Variants in PARN observed in about 807,000 individuals in gnomAD.
PARN encodes poly(A)-specific ribonuclease, also known as poly(A)-specific ribonuclease PARN.
PARN carries 71 observed loss-of-function variants against 102.8 expected under a neutral mutation model. The ratio of observed to expected loss-of-function variants is 0.69; its 90% CI spans 0.57 to 0.84. The LOEUF is 0.84. Ranked by LOEUF, PARN falls within the 40% of genes least tolerant of loss-of-function variation. The pLI, the probability that PARN is intolerant of heterozygous loss-of-function variation, is 0.00. For synonymous variants in PARN, 261 were observed against 252.9 expected (o/e 1.03, Z -0.30); for missense variants, 782 against 760.9 (o/e 1.03, Z -0.33).
chr16:14,504,345 G>A (rs1020592991), intron 21 of PARN, among the ~76,000 whole-genome samples: 13 of 152,124 alleles, frequency 8.5e-5, no homozygotes, highest in African/African-American at 2.9e-4. Context: ...GAATCACGAG[G>A]TCAGGAGTTG....
chr16:14,505,985 G>T (rs1264783804), intron 21 of PARN, among the ~76,000 whole-genome samples: 3 of 152,150 alleles, frequency 2.0e-5, no homozygotes, highest in Non-Finnish European at 2.9e-5. Flanking sequence ...AAGCAGGAAG[G>T]CTACAATGGA....
Position 14,436,500 on chromosome 16 carries a change from G to A in PARN, c.*217C>T, listed in dbSNP as rs576499888. On this transcript the variant is annotated 3_prime_UTR_variant, in exon 24 of 24. Coordinates refer to ENST00000437198, the MANE Select transcript of PARN (RefSeq NM_002582.4). ...TACACATTCATGACAGCCTACAACCGTGATGAGTGTCAATGTCAACAGGCA... is the reference window on the plus strand; with the variant it reads ...TACACATTCATGACAGCCTACAACCATGATGAGTGTCAATGTCAACAGGCA... 11 of 594,278 alleles carry A rather than the reference G, an allele frequency of 1.9e-5. No individual in the cohort carries two copies. Among genetic ancestry groups the A allele is most frequent in the East Asian group, 1.7e-4 (6 of 35,942 alleles). 36.8% of individuals were successfully genotyped at this position (594,278 alleles called of 1,614,324 possible). A position where few individuals can be genotyped will look rare whatever the true frequency, so the allele number is the denominator to read the frequency against.
At chr16:14,447,115 G>A in intron 22 of PARN, 34 bp from the exon 23 acceptor site, 2 of 1,485,080 alleles carry the variant, frequency 1.3e-6, no homozygotes, top group Non-Finnish European at 1.9e-6. Flanking sequence ...CATAAAAGGT[G>A]CTGAGAGTTA....
chr16:14,477,573 C>G (rs567848525), intron 22 of PARN, among the ~76,000 whole-genome samples: 5 of 151,566 alleles, frequency 3.3e-5, no homozygotes, highest in African/African-American at 1.2e-4. Flanking sequence ...GTCAGGAGTT[C>G]GAGACCATCC....
intron 18 of PARN, among the ~76,000 whole-genome samples, chr16:14,579,827 T>C (rs1042789148): frequency 2.0e-5 from 3 of 151,894 alleles, no homozygotes. Flanking sequence ...AATATAAAGA[T>C]TAGCCAGGTG....
At chr16:14,540,274 C>T (rs575022966) in intron 21 of PARN, among the ~76,000 whole-genome samples, 1 of 152,210 alleles carries the variant, frequency 6.6e-6, no homozygotes, top group African/African-American at 2.4e-5. Context: ...ACGAATTCTA[C>T]ATACAGTTTA....
intron 6 of PARN, among the ~76,000 whole-genome samples, chr16:14,611,896 G>C (rs1971539374): frequency 6.6e-6 from 1 of 152,066 alleles, no homozygotes; most frequent in Non-Finnish European, 1.5e-5. Context: ...GTGGGCAATG[G>C]GGGTCTCTGT....
chr16:14,584,493 C>G, intron 15 of PARN, 71 bp from the exon 16 acceptor site: 7 of 1,133,876 alleles, frequency 6.2e-6, no homozygotes, highest in African/African-American at 1.8e-5. Context: ...GATTCACTGA[C>G]CCCCCCAAAA....
intron 18 of PARN, among the ~76,000 whole-genome samples, chr16:14,569,867 T>C (rs1436566434): frequency 2.6e-5 from 4 of 152,142 alleles, no homozygotes; most frequent in African/African-American, 9.7e-5. Flanking sequence ...TGTATAATAT[T>C]GTGAATGTAA....
chr16:14,460,059 T>C (rs1961879860), intron 22 of PARN, among the ~76,000 whole-genome samples: 1 of 152,204 alleles, frequency 6.6e-6, no homozygotes, highest in Non-Finnish European at 1.5e-5. Context: ...AAAATCTCTG[T>C]GACCTTATCT....
intron 21 of PARN, among the ~76,000 whole-genome samples, chr16:14,523,404 C>T (rs1481902852): frequency 6.6e-6 from 1 of 152,182 alleles, no homozygotes; most frequent in Non-Finnish European, 1.5e-5. Flanking sequence ...AAACGTGGCA[C>T]ATTTACAAAA....
At chr16:14,616,058 C>G (rs1316761706) in intron 6 of PARN, among the ~76,000 whole-genome samples, 1 of 152,064 alleles carries the variant, frequency 6.6e-6, no homozygotes, top group Non-Finnish European at 1.5e-5. Context: ...CTCTTTCATT[C>G]ATTAATTCTA....
chr16:14,572,700 T>C (rs1968883680), intron 18 of PARN, among the ~76,000 whole-genome samples: 1 of 152,182 alleles, frequency 6.6e-6, no homozygotes, highest in African/African-American at 2.4e-5. Context: ...CATCATCTGA[T>C]TTTTCATAAG....
At chr16:14,447,883 G>A (rs1387324106) in intron 22 of PARN, among the ~76,000 whole-genome samples, 1 of 152,184 alleles carries the variant, frequency 6.6e-6, no homozygotes, top group African/African-American at 2.4e-5. Flanking sequence ...AGGGTGGGAA[G>A]TGAGAGATAA....
rs372937126 is a variant in PARN, at chr16:14,482,673, G to C, written c.1635C>G (p.Pro545=). 46 of 1,613,314 alleles carry C rather than the reference G, an allele frequency of 2.9e-5. No homozygotes were observed. In the African/African-American group the frequency reaches 4.5e-4, roughly 16 times the overall value. Reference sequence around the variant, plus strand: ...GGTAATAGTGATTCTGCAGGGTGTAGGGTATGCACTGGGGGTTTAACCGTT... The same window carrying C: ...GGTAATAGTGATTCTGCAGGGTGTACGGTATGCACTGGGGGTTTAACCGTT... ...DSKRLNPQCI[P]YTLQNHYYRN... is the part of the protein sequence containing the mutation. The change falls in exon 22 of 24, where the codon CCC becomes CCG. Residue 545 remains proline, a synonymous_variant. Coordinates refer to ENST00000437198, the MANE Select transcript of PARN (RefSeq NM_002582.4).
intron 18 of PARN, among the ~76,000 whole-genome samples, chr16:14,561,817 T>A (rs1968086352): frequency 6.6e-6 from 1 of 152,178 alleles, no homozygotes; most frequent in South Asian, 2.1e-4. Context: ...ACACAATAAA[T>A]AAACAATTAA....
At chr16:14,484,234 G>T (rs1384699205) in intron 21 of PARN, among the ~76,000 whole-genome samples, 2 of 152,216 alleles carry the variant, frequency 1.3e-5, no homozygotes, top group African/African-American at 4.8e-5. Flanking sequence ...GGCCAGGTCA[G>T]TTGTGTTCTG....
In PARN at chr16:14,560,536, A is replaced by G. The variant is rs1043546373; in HGVS notation, c.1263-4827T>C. On this transcript the variant is annotated intron_variant, in intron 18 of 23. Transcript: ENST00000437198. Reference sequence around the variant, plus strand: ...TTACAAAAGAATTCTATCCTAAGAAACAGTGTAACTCAAGTTCACATTCTA... The same window carrying G: ...TTACAAAAGAATTCTATCCTAAGAAGCAGTGTAACTCAAGTTCACATTCTA... Among the ~76,000 whole-genome samples, 4 of 152,244 alleles carry G rather than the reference A, an allele frequency of 2.6e-5. 1 individual carries two copies. Among genetic ancestry groups the G allele is most frequent in the African/African-American group, 4.8e-5 (2 of 41,466 alleles).
In PARN at chr16:14,470,950, T is replaced by TTTG. The variant is rs887065672; in HGVS notation, c.1670+11685_1670+11687dup. Among the ~76,000 whole-genome samples, 9 of 152,034 alleles carry TTTG rather than the reference T, an allele frequency of 5.9e-5. No homozygotes were observed. In the East Asian group the frequency reaches 7.7e-4, roughly 13 times the overall value. ...AGCCACCATGCCTAATTTTTTGATT[T>TTTG]TTGTTGTTGTTGTTGTTAGAGATGG... On this transcript the variant is annotated intron_variant, in intron 22 of 23. Transcript: ENST00000437198.
Sources: gnomAD v4.1 joint callset for allele counts (sites outside exome capture counted in the v4.1 genomes callset) on GRCh38, gnomAD v4.1.1 for gene constraint, MANE v1.5 for transcripts, NCBI Gene and HGNC (gene_info 2026-07-23, HGNC 2026-07-21) for gene names.